GRID1: variants seen among roughly 807,000 people sequenced by gnomAD.
The protein encoded by GRID1 is glutamate receptor ionotropic, delta-1.
A neutral mutation model predicts 98.0 loss-of-function variants in GRID1; 28 were observed. The observed-to-expected ratio is 0.29, with a 90% CI of 0.21 to 0.39. The LOEUF is 0.39. GRID1 is among the 10% of genes least tolerant of loss of function. The pLI, the probability that GRID1 is intolerant of heterozygous loss-of-function variation, is 1.00. For missense variants in GRID1, 1,111 were observed against 1,340.5 expected, an observed-to-expected ratio of 0.83 and a Z score of 2.67; for synonymous variants, 553 against 538.5, an observed-to-expected ratio of 1.03 and a Z score of -0.37.
At chr10:86,175,120 T>C (rs1438657747) in intron 3 of GRID1, among the ~76,000 whole-genome samples, 1 of 152,202 alleles carries the variant, frequency 6.6e-6, no homozygotes, top group Non-Finnish European at 1.5e-5. Flanking sequence ...TTGGAAATCA[T>C]TGAAAGTTCT....
chr10:85,720,683 C>T (rs577182921), intron 12 of GRID1, among the ~76,000 whole-genome samples: 1 of 145,414 alleles, frequency 6.9e-6, no homozygotes, highest in Admixed American at 6.8e-5. Flanking sequence ...GAAAAAAAAA[C>T]CCCAAAACTC....
chr10:86,289,394 T>C (rs896509927), intron 2 of GRID1, among the ~76,000 whole-genome samples: 2 of 151,744 alleles, frequency 1.3e-5, no homozygotes, highest in Admixed American at 6.6e-5. Context: ...TCATCACCCC[T>C]TCAGACCCCT....
At chr10:86,337,987 C>T (rs1012594538) in intron 2 of GRID1, among the ~76,000 whole-genome samples, 2 of 152,270 alleles carry the variant, frequency 1.3e-5, no homozygotes, top group Non-Finnish European at 2.9e-5. Context: ...GGATTACAGG[C>T]GTGAGCCACC....
At chr10:85,625,460 C>G (rs1202239883) in intron 13 of GRID1, among the ~76,000 whole-genome samples, 1 of 152,188 alleles carries the variant, frequency 6.6e-6, no homozygotes, top group Non-Finnish European at 1.5e-5. Context: ...GAAAAGTAAA[C>G]AAACAAACAT....
chr10:85,845,870 A>G (rs2131774676), intron 8 of GRID1, among the ~76,000 whole-genome samples: 1 of 152,332 alleles, frequency 6.6e-6, no homozygotes, highest in East Asian at 1.9e-4. Context: ...ACGATACAAA[A>G]GAGTATGGAA....
intron 8 of GRID1, 50 bp from the exon 9 acceptor site, chr10:85,729,664 C>A: frequency 2.6e-6 from 3 of 1,138,642 alleles, no homozygotes; most frequent in South Asian, 2.6e-5. Context: ...CACCCGTGCA[C>A]ACCATAGGAC....
chr10:86,092,481 T>C (rs1033812114), intron 4 of GRID1, among the ~76,000 whole-genome samples: 4 of 152,136 alleles, frequency 2.6e-5, no homozygotes, highest in Middle Eastern at 3.2e-3. Flanking sequence ...TCTGGGATTA[T>C]GTTAAATGAC....
chr10:85,722,974 G>T (rs762229782), intron 12 of GRID1, 29 bp downstream of exon 12: 1 of 1,590,556 alleles, frequency 6.3e-7, no homozygotes, highest in African/African-American at 1.3e-5. Context: ...CTGAGCTGCT[G>T]GCTCCAGATC....
intron 2 of GRID1, among the ~76,000 whole-genome samples, chr10:86,250,698 C>T (rs1412045112): frequency 4.0e-5 from 6 of 151,722 alleles, no homozygotes; most frequent in African/African-American, 1.5e-4. Flanking sequence ...GGACAGCCCC[C>T]GCCCAGCCGC....
At chr10:86,212,240 G>A (rs1174057337) in intron 2 of GRID1, among the ~76,000 whole-genome samples, 2 of 152,328 alleles carry the variant, frequency 1.3e-5, no homozygotes, top group East Asian at 3.9e-4. Flanking sequence ...CTTTCCCTCT[G>A]TCAGGTGCCC....
At chr10:86,323,364 G>A (rs117761298) in intron 2 of GRID1, among the ~76,000 whole-genome samples, 1 of 152,362 alleles carries the variant, frequency 6.6e-6, no homozygotes, top group East Asian at 1.9e-4. Context: ...CTGGTGCAGA[G>A]CACACACTGT....
At chr10:85,872,009 C>G (rs1843282806) in intron 5 of GRID1, among the ~76,000 whole-genome samples, 1 of 152,014 alleles carries the variant, frequency 6.6e-6, no homozygotes, top group African/African-American at 2.4e-5. Context: ...TGACAATGTC[C>G]ATATCTCAGG....
At chr10:85,644,937 C>T (rs1267429537) in intron 13 of GRID1, among the ~76,000 whole-genome samples, 2 of 152,282 alleles carry the variant, frequency 1.3e-5, no homozygotes, top group African/African-American at 4.8e-5. Flanking sequence ...TGATTACTGG[C>T]CATTTGTGTT....
chr10:85,824,695 C>A (rs552670628), intron 8 of GRID1, among the ~76,000 whole-genome samples: 1 of 152,142 alleles, frequency 6.6e-6, no homozygotes, highest in African/African-American at 2.4e-5. Context: ...ACCACCCCCC[C>A]ACCACCAACC....
At chr10:85,890,115 G>A (rs151045423) in intron 5 of GRID1, among the ~76,000 whole-genome samples, 12 of 151,748 alleles carry the variant, frequency 7.9e-5, no homozygotes, top group Admixed American at 5.3e-4. Flanking sequence ...ATCCTACAGC[G>A]CTGCAGGACA....
intron 4 of GRID1, among the ~76,000 whole-genome samples, chr10:85,962,435 T>C (rs997549096): frequency 1.3e-5 from 2 of 152,188 alleles, no homozygotes; most frequent in African/African-American, 4.8e-5. Context: ...CCCAAGCACC[T>C]GACAAACGTT....
At chr10:86,110,792 G>A (rs1210197139) in intron 4 of GRID1, among the ~76,000 whole-genome samples, 2 of 152,214 alleles carry the variant, frequency 1.3e-5, no homozygotes, top group Non-Finnish European at 2.9e-5. Flanking sequence ...GTGTGTCAAT[G>A]TAAAGAAAGA....
chr10:86,099,354 C>G (rs1331284723), intron 4 of GRID1, among the ~76,000 whole-genome samples: 1 of 152,160 alleles, frequency 6.6e-6, no homozygotes, highest in Non-Finnish European at 1.5e-5. Flanking sequence ...GCCAAGCATC[C>G]TGATGAGCAC....
chr10:85,676,961 G>T (rs1841152200), intron 12 of GRID1, among the ~76,000 whole-genome samples: 1 of 152,110 alleles, frequency 6.6e-6, no homozygotes, highest in Non-Finnish European at 1.5e-5. Flanking sequence ...AAATAAATAA[G>T]GCCTTAAGAG....
Sources: allele counts gnomAD v4.1 joint callset (sites outside exome capture counted in the v4.1 genomes callset), GRCh38; gene constraint gnomAD v4.1.1; transcripts MANE v1.5; gene names NCBI Gene and HGNC (gene_info 2026-07-23, HGNC 2026-07-21).